Variants in PRRT1B observed in about 807,000 individuals in gnomAD.
The protein encoded by PRRT1B is proline rich transmembrane protein 1B.
intron 2 of PRRT1B, among the ~76,000 whole-genome samples, chr9:131,555,753 C>T (rs916698975): frequency 1.6e-4 from 25 of 151,996 alleles, no homozygotes; most frequent in Non-Finnish European, 2.6e-4. Flanking sequence ...AGATTGGAGG[C>T]CCCCCAGGGA....
chr9:131,558,114 G>A (rs903700029), exon 4 of PRRT1B: 21 of 400,862 alleles, frequency 5.2e-5, no homozygotes, highest in African/African-American at 3.1e-4. Context: ...CGGAAGGCCC[G>A]CTCGCTGGTG....
intron 1 of PRRT1B, among the ~76,000 whole-genome samples, chr9:131,552,070 G>A (rs180987839): frequency 2.0e-5 from 3 of 152,280 alleles, no homozygotes; most frequent in Admixed American, 1.3e-4. Context: ...TGGGATTACC[G>A]GAGTGAGCCA....
chr9:131,545,557 G>A, exon 1 of PRRT1B: 1 of 396,672 alleles, frequency 2.5e-6, no homozygotes, highest in Non-Finnish European at 4.5e-6. Flanking sequence ...GAGCCGGCCC[G>A]ACGGCAGGCG....
chr9:131,555,681 T>TAAAAAC (rs1270742136), intron 2 of PRRT1B, among the ~76,000 whole-genome samples: 3 of 151,304 alleles, frequency 2.0e-5, no homozygotes, highest in African/African-American at 7.3e-5. Context: ...GCCTCCAAAA[T>TAAAAAC]AAAAACAAAA....
chr9:131,548,805 T>C (rs1485565615), intron 1 of PRRT1B, among the ~76,000 whole-genome samples: 2 of 152,154 alleles, frequency 1.3e-5, no homozygotes. Context: ...TTTTATCACC[T>C]TCCCTCCTCA....
At chr9:131,559,048 C>T (rs1314756728), downstream of PRRT1B, among the ~76,000 whole-genome samples, 1 of 152,232 alleles carries the variant, frequency 6.6e-6, no homozygotes, top group Admixed American at 6.5e-5. Flanking sequence ...ATCCCTCGGC[C>T]AGCCTGTAGA....
chr9:131,554,246 T>G (rs1452003789), intron 1 of PRRT1B, among the ~76,000 whole-genome samples: 4 of 152,182 alleles, frequency 2.6e-5, no homozygotes, highest in Admixed American at 2.0e-4. Flanking sequence ...CCAATTAGCT[T>G]TGACATAAAG....
intron 1 of PRRT1B, among the ~76,000 whole-genome samples, chr9:131,546,516 C>T (rs1950976151): frequency 6.6e-6 from 1 of 152,046 alleles, no homozygotes; most frequent in South Asian, 2.1e-4. Flanking sequence ...CGCGCACTCC[C>T]CGCCCCCTCA....
downstream of PRRT1B, among the ~76,000 whole-genome samples, chr9:131,559,266 A>G (rs1000340914): frequency 1.3e-5 from 2 of 152,242 alleles, no homozygotes; most frequent in African/African-American, 4.8e-5. Flanking sequence ...AACATGGCGA[A>G]GTCCTGTCTC....
rs191093012 is a variant in PRRT1B at position 131,558,292 on chromosome 9, G to A, written c.*90G>A. The A allele has an allele frequency of 7.7e-5, 31 of 400,158 alleles. 1 individual carries two copies. In the South Asian group the frequency reaches 1.5e-3, roughly 20 times the overall value. The allele number at this position is 400,158 out of a possible 1,614,324, so 24.8% of individuals were successfully genotyped here. On this transcript the variant is annotated 3_prime_UTR_variant, in exon 4 of 4. Coordinates refer to ENST00000636672, the Ensembl canonical transcript of PRRT1B. ...CTTTCTCTGGACTCAGATCCCTGCCGGTGGCCAGCTCTTGCCTGCAGAGGG... is the reference window on the plus strand; with the variant it reads ...CTTTCTCTGGACTCAGATCCCTGCCAGTGGCCAGCTCTTGCCTGCAGAGGG...
At position 131,547,065 on chromosome 9, in the gene PRRT1B, C is replaced by CTTTTTT. The variant is rs549825970; in HGVS notation, c.25+1444_25+1449dup. Among the ~76,000 whole-genome samples the CTTTTTT allele has an allele frequency of 1.1e-3, 107 of 100,766 alleles. 8 individuals carry two copies. The highest frequency in any genetic ancestry group is 2.0e-3 in the African/African-American group (41 of 20,492). The allele number at this position is 100,766 out of a possible 152,430, so 66.1% of individuals were successfully genotyped here. ...AGAGCAGAGCCTGGCCTCCTGTTCG[C>CTTTTTT]TTTTTTTTTTTTTTTTTTTTTTTTG... On this transcript the variant is annotated intron_variant, in intron 1 of 3. Transcript: ENST00000636672.
chr9:131,552,646 A>T (rs1366947994), intron 1 of PRRT1B, among the ~76,000 whole-genome samples: 1 of 146,788 alleles, frequency 6.8e-6, no homozygotes, highest in Non-Finnish European at 1.5e-5. Flanking sequence ...TCTCCTGCAC[A>T]TGCAGTTTGG....
chr9:131,555,082 CG>C, intron 2 of PRRT1B, 53 bp downstream of exon 2: 1 of 242,430 alleles, frequency 4.1e-6, no homozygotes, highest in Non-Finnish European at 6.8e-6. Flanking sequence ...TGCGCGTGGT[CG>C]GGGGCGCCCG....
rs1479469675 is a variant in PRRT1B, at chr9:131,558,163, CT to C, written c.754del (p.Trp252GlyfsTer133). On this transcript the variant is annotated frameshift_variant, in exon 4 of 4. Transcript: ENST00000636672. LOFTEE classifies it high-confidence loss of function. Reference sequence around the variant, plus strand: ...TCTTCGGGGTCTTCGTGTCTACCAGCTGGGTCATCTACGTGGTGGTGGCACT... The same window carrying C: ...TCTTCGGGGTCTTCGTGTCTACCAGCGGGTCATCTACGTGGTGGTGGCACT... 2.5e-6 allele frequency: 1 copy of C among 400,880 alleles called. No individual in the cohort carries two copies. The highest frequency in any genetic ancestry group is 3.6e-5 in the East Asian group (1 of 28,098). The allele number at this position is 400,880 out of a possible 1,614,324, so 24.8% of individuals were successfully genotyped here. A position where few individuals can be genotyped will look rare whatever the true frequency, so the allele number is the denominator to read the frequency against.
chr9:131,547,094 CTG>C, intron 1 of PRRT1B, among the ~76,000 whole-genome samples: 1 of 96,906 alleles, frequency 1.0e-5, no homozygotes, highest in Non-Finnish European at 1.7e-5. Flanking sequence ...TTTTTTGAGA[CTG>C]AGTCTCGTTC....
In PRRT1B at chr9:131,554,549, C is replaced by A. The variant is rs1564417695; in HGVS notation, c.26-8C>A. The A allele has an allele frequency of 2.5e-6, 1 of 394,808 alleles. No individual in the cohort carries two copies. The highest frequency in any genetic ancestry group is 2.1e-5 in the African/African-American group (1 of 48,438). The allele number at this position is 394,808 out of a possible 1,614,324, so 24.5% of individuals were successfully genotyped here. On this transcript the variant is annotated splice_polypyrimidine_tract_variant and splice_region_variant and intron_variant, in intron 1 of 3. Coordinates refer to ENST00000636672, the Ensembl canonical transcript of PRRT1B. ...CTCTTGCTCACGACCGCTGCCATTT[C>A]TTTCTAGGGTCCGACACGAAAGGGG...
In PRRT1B at chr9:131,551,856, C is replaced by G. The variant is rs1166243591; in HGVS notation, c.26-2701C>G. 1.3e-5 allele frequency among the ~76,000 whole-genome samples: 2 copies of G among 152,148 alleles called. No homozygotes were observed. Among genetic ancestry groups the G allele is most frequent in the African/African-American group, 4.8e-5 (2 of 41,424 alleles). ...TCGCTGACTCTCTTTTTGGACTCAG[C>G]CTGCCTGCACCCAGGTGATTCAAAA... On this transcript the variant is annotated intron_variant, in intron 1 of 3. Coordinates refer to ENST00000636672, the Ensembl canonical transcript of PRRT1B. This position sits in a 1 kb window ranked among gnomAD's most constrained non-coding sequence, Gnocchi z 4.4.
exon 3 of PRRT1B, chr9:131,556,160 A>T (rs1309740836): frequency 2.5e-6 from 1 of 400,836 alleles, no homozygotes; most frequent in African/African-American, 2.1e-5. Flanking sequence ...AGTGCTGGTG[A>T]CCCTCTTCTG....
At chr9:131,556,508 A>C (rs1588552120) in intron 3 of PRRT1B, among the ~76,000 whole-genome samples, 1 of 152,198 alleles carries the variant, frequency 6.6e-6, no homozygotes, top group Non-Finnish European at 1.5e-5. Context: ...CTTGTGTTTT[A>C]AAGGGGGTAC....
Sources: gnomAD v4.1 joint callset for allele counts (sites outside exome capture counted in the v4.1 genomes callset) on GRCh38, gnomAD v4.1.1 for gene constraint, Gnocchi (gnomAD v3.1) non-coding constraint, MANE v1.5 for transcripts, NCBI Gene and HGNC (gene_info 2026-07-23, HGNC 2026-07-21) for gene names.